The following MSH6 variants were observed in gnomAD, a reference collection of about 807,000 sequenced individuals.
MSH6 encodes the protein mutS homolog 6, also known as DNA mismatch repair protein Msh6.
MSH6 carries 85 observed loss-of-function variants against 119.1 expected under a neutral mutation model. The observed-to-expected ratio is 0.71, with a 90% CI of 0.60 to 0.85. MSH6 has a LOEUF of 0.85. Ranked by LOEUF, MSH6 falls within the 40% of genes least tolerant of loss-of-function variation. The pLI is 0.00. For missense variants in MSH6, 2,163 were observed against 1,655.3 expected, an observed-to-expected ratio of 1.31 and a Z score of -5.32; for synonymous variants, 830 against 586.9, an observed-to-expected ratio of 1.41 and a Z score of -5.99.
chr2:47,805,163 G>A lies in MSH6; in HGVS notation c.3556+136G>A, dbSNP rs1401374149. Reference sequence around the variant, plus strand: ...TTACTTTAAAAACATCACTTTTTAAGAACTGCATAGTCTCTCTCTCTTTTT... The same window carrying A: ...TTACTTTAAAAACATCACTTTTTAAAAACTGCATAGTCTCTCTCTCTTTTT... On this transcript the variant is annotated intron_variant, in intron 6 of 9. Transcript: ENST00000234420. The A allele has an allele frequency of 7.2e-6, 5 of 690,498 alleles. No homozygotes were observed. The Admixed American group carries it at 9.1e-5, about 13-fold the overall frequency. 42.8% of individuals were successfully genotyped at this position (690,498 alleles called of 1,614,324 possible). A position where few individuals can be genotyped will look rare whatever the true frequency, so the allele number is the denominator to read the frequency against.
chr2:47,792,127 T>C (rs1668766844), intron 2 of MSH6, among the ~76,000 whole-genome samples: 1 of 152,174 alleles, frequency 6.6e-6, no homozygotes, highest in African/African-American at 2.4e-5. Flanking sequence ...ATTATAGGCG[T>C]GAGCCACTGT....
At position 47,798,691 on chromosome 2, in the gene MSH6, A is replaced by T. The variant is rs1322117538; in HGVS notation, c.708A>T (p.Gln236His). The change falls in exon 4 of 10, where the codon CAA becomes CAT. Residue 236 changes from glutamine to histidine, a missense_variant. Gln to His is a conservative substitution (Grantham distance 24). Transcript: ENST00000234420. ...ESEEEVQPKT[Q>H]GSRRSSRQIK... ...AAGAGGAAGTACAGCCTAAGACACA[A>T]GGATCTAGGCGAAGTAGCCGCCAAA... 6.2e-7 allele frequency: 1 copy of T among 1,613,938 alleles called. No homozygotes were observed. Among genetic ancestry groups the T allele is most frequent in the African/African-American group, 1.3e-5 (1 of 74,936 alleles).
chr2:47,783,657 C>T (rs1480404579), intron 1 of MSH6, 164 bp downstream of exon 1: 7 of 677,130 alleles, frequency 1.0e-5, no homozygotes, highest in Non-Finnish European at 1.6e-5. Context: ...GGGGTCGAGT[C>T]TGGAGCATTT....
intron 1 of MSH6, among the ~76,000 whole-genome samples, chr2:47,786,625 C>T (rs1287039536): frequency 6.6e-6 from 1 of 152,178 alleles, no homozygotes; most frequent in Non-Finnish European, 1.5e-5. Context: ...TGAACCACCG[C>T]ACCTGGCCGT....
downstream of MSH6, chr2:47,808,288 G>T: frequency 1.2e-6 from 2 of 1,612,486 alleles, no homozygotes; most frequent in Non-Finnish European, 1.7e-6. Flanking sequence ...AAGTGAGGGG[G>T]AAAGTAATTG....
intron 6 of MSH6, 152 bp downstream of exon 6, chr2:47,805,179 C>T: frequency 1.6e-6 from 1 of 631,510 alleles, no homozygotes; most frequent in Non-Finnish European, 2.8e-6. Flanking sequence ...CATAGTCTCT[C>T]TCTCTTTTTT....
chr2:47,784,610 G>A (rs1027804722), intron 1 of MSH6: 1 of 152,158 alleles, frequency 6.6e-6, no homozygotes, highest in East Asian at 1.9e-4. Context: ...TTACAGGAAT[G>A]CGCCCCCACA....
Position 47,800,567 on chromosome 2 carries a change from C to G in MSH6, c.2584C>G (p.Leu862Val), listed in dbSNP as rs1187393388. 1.2e-6 allele frequency: 2 copies of G among 1,613,792 alleles called. No homozygotes were observed. The highest frequency in any genetic ancestry group is 8.5e-7 in the Non-Finnish European group (1 of 1,179,992). ...GAAGATTATTGATTTTCTTTCTGCT[C>G]TGGAAGGATTCAAAGTAATGTGTAA... ...KKKIIDFLSA[L>V]EGFKVMCKII... is the part of the protein sequence containing the mutation. Residue 862 changes from leucine (L) to valine (V), a missense_variant, in exon 4 of 10, where the codon CTG becomes GTG. Leu to Val is a conservative substitution (Grantham distance 32). Transcript: ENST00000234420.
chr2:47,808,035 G>A, downstream of MSH6: 1 of 1,258,316 alleles, frequency 7.9e-7, no homozygotes, highest in Admixed American at 2.0e-5. Flanking sequence ...CTGTAGCATG[G>A]GCAAATATTT....
chr2:47,798,634 TAA>T lies in MSH6; in HGVS notation c.652_653del (p.Lys218GlufsTer2). 2 of 1,611,778 alleles carry T rather than the reference TAA, an allele frequency of 1.2e-6. No homozygotes were observed. Among genetic ancestry groups the T allele is most frequent in the Non-Finnish European group, 1.7e-6 (2 of 1,179,950 alleles). ...AGGTAGGCACAACTTACGTAACAGA[TAA>T]GAGTGAAGAAGATAATGAAATTGAG... ...MEVGTTYVTD[K>X]SEEDNEIESE... On this transcript the variant is annotated frameshift_variant, in exon 4 of 10. Coordinates refer to ENST00000234420, the MANE Select transcript of MSH6 (RefSeq NM_000179.3). LOFTEE classifies it high-confidence loss of function.
chr2:47,806,039 G>GGCT (rs1343704628), intron 7 of MSH6, among the ~76,000 whole-genome samples, 165 bp from the exon 8 acceptor site: 2 of 152,110 alleles, frequency 1.3e-5, no homozygotes, highest in Admixed American at 1.3e-4. Context: ...ACTCCCCATG[G>GGCT]GCTGCTAAGC....
downstream of MSH6, chr2:47,809,704 A>G: frequency 1.9e-6 from 3 of 1,608,356 alleles, no homozygotes; most frequent in Admixed American, 1.7e-5. Flanking sequence ...TGTAATTTCA[A>G]TACCTGAAGT....
At chr2:47,794,203 T>C (rs1436229401) in intron 2 of MSH6, among the ~76,000 whole-genome samples, 2 of 151,752 alleles carry the variant, frequency 1.3e-5, no homozygotes, top group African/African-American at 4.8e-5. Flanking sequence ...TAGCCAGGCA[T>C]GGTGACACAT....
chr2:47,794,456 G>C (rs1668947121), intron 2 of MSH6, among the ~76,000 whole-genome samples: 1 of 151,970 alleles, frequency 6.6e-6, no homozygotes, highest in Middle Eastern at 3.4e-3. Context: ...ATTTTTAGGA[G>C]AGATGGATGT....
At chr2:47,784,060 G>C in intron 1 of MSH6, 1 of 1,012,346 alleles carries the variant, frequency 9.9e-7, no homozygotes. Flanking sequence ...GTAGTTAAGA[G>C]CCGCGGTCGC....
intron 5 of MSH6, 71 bp from the exon 6 acceptor site, chr2:47,804,839 C>T (rs1320991788): frequency 3.4e-6 from 4 of 1,175,244 alleles, no homozygotes; most frequent in Non-Finnish European, 5.1e-6. Context: ...CGTAAGGGTT[C>T]ATAAGAAAGA....
At position 47,793,501 on chromosome 2, in the gene MSH6, G is replaced by C. The variant is rs1000261186; in HGVS notation, c.457+2378G>C. Among the ~76,000 whole-genome samples, 13 of 151,102 alleles carry C rather than the reference G, an allele frequency of 8.6e-5. 1 individual carries two copies. Among genetic ancestry groups the C allele is most frequent in the Non-Finnish European group, 1.9e-4 (13 of 67,734 alleles). The stretch of plus-strand genomic sequence containing the variant: ...AAATAAGCTGAAATCCCAGCTACTC[G>C]TGAAGCTGAGGCAGAGAATTGCTTA... On this transcript the variant is annotated intron_variant, in intron 2 of 9. Coordinates refer to ENST00000234420, the MANE Select transcript of MSH6 (RefSeq NM_000179.3).
rs1572722145 is a variant in MSH6, at chr2:47,799,180, T to C, written c.1197T>C (p.Pro399=). 1 of 1,614,206 alleles carries C rather than the reference T, an allele frequency of 6.2e-7. No individual in the cohort carries two copies. The stretch of plus-strand genomic sequence containing the variant: ...TTGATGCATCTACACTCTATGTGCC[T>C]GAGGATTTCCTCAATTCTTGTACTC... ...PDFDASTLYV[P]EDFLNSCTPG... Residue 399 remains proline (P), a synonymous_variant, in exon 4 of 10, where the codon CCT becomes CCC. Transcript: ENST00000234420.
downstream of MSH6, chr2:47,807,339 G>C (rs924302124): frequency 1.4e-5 from 3 of 212,436 alleles, no homozygotes; most frequent in Non-Finnish European, 1.9e-5. Context: ...GAATACTTTT[G>C]TTTTACAGTG....
Sources: allele counts gnomAD v4.1 joint callset (sites outside exome capture counted in the v4.1 genomes callset), GRCh38; gene constraint gnomAD v4.1.1; transcripts MANE v1.5; gene names NCBI Gene and HGNC (gene_info 2026-07-23, HGNC 2026-07-21).